Variants in MTFR1 observed in about 807,000 individuals in gnomAD.
The protein encoded by MTFR1 is chondrocyte protein with a poly-proline region.
A neutral mutation model predicts 38.8 loss-of-function variants in MTFR1; 28 were observed. The ratio of observed to expected loss-of-function variants is 0.72; its 90% CI spans 0.53 to 0.99. The LOEUF (loss-of-function observed/expected upper bound fraction) is 0.99. Ranked by LOEUF, MTFR1 falls within the 50% of genes least tolerant of loss-of-function variation. The probability of loss-of-function intolerance (pLI) is 0.00; values close to 1 mark genes in which losing one functional copy is unlikely to be tolerated. For missense variants in MTFR1, 358 were observed against 395.5 expected, an observed-to-expected ratio of 0.91 and a Z score of 0.81; for synonymous variants, 145 against 137.0, an observed-to-expected ratio of 1.06 and a Z score of -0.41.
rs1050457394 is a variant in MTFR1 at position 65,657,318 on chromosome 8, A to G, written c.-81+12534A>G. On this transcript the variant is annotated intron_variant, in intron 1 of 7. Coordinates refer to ENST00000262146, the MANE Select transcript of MTFR1 (RefSeq NM_014637.4). ...ATAAGCAACTGCGCCCAGTCTATTTATTTGTTTTAAACAAGATTTTATTTT... is the reference window on the plus strand; with the variant it reads ...ATAAGCAACTGCGCCCAGTCTATTTGTTTGTTTTAAACAAGATTTTATTTT... Among the ~76,000 whole-genome samples, 16 of 152,096 alleles carry G rather than the reference A, an allele frequency of 1.1e-4. 1 individual carries two copies. The highest frequency in any genetic ancestry group is 9.8e-4 in the Admixed American group (15 of 15,254).
intron 1 of MTFR1, among the ~76,000 whole-genome samples, chr8:65,662,841 T>C (rs1327063333): frequency 2.7e-5 from 4 of 146,808 alleles, no homozygotes; most frequent in Non-Finnish European, 6.0e-5. Context: ...GCCATCCACC[T>C]CGTCCGGAAG....
Position 65,729,008 on chromosome 8 carries a change from A to G in MTFR1, c.*48+9527A>G, listed in dbSNP as rs1001887199. Among the ~76,000 whole-genome samples the G allele has an allele frequency of 4.6e-5, 7 of 152,202 alleles. 1 individual carries two copies. The highest frequency in any genetic ancestry group is 3.9e-4 in the Admixed American group (6 of 15,280). On this transcript the variant is annotated intron_variant, in intron 3 of 3. Transcript: ENST00000521247. ...AAATGTAACATTTCTGCTTGTAAAA[A>G]AAAACCTTTCATCAGAAACAAAATT... is the stretch of plus-strand genomic sequence containing the variant.
chr8:65,696,977 G>A (rs1252268632), intron 4 of MTFR1, among the ~76,000 whole-genome samples: 1 of 127,164 alleles, frequency 7.9e-6, no homozygotes, highest in African/African-American at 3.0e-5. Flanking sequence ...TAACCTTTTG[G>A]GACTGGCTTT....
At chr8:65,740,457 A>G (rs1009923230) in intron 3 of MTFR1, among the ~76,000 whole-genome samples, 6 of 151,924 alleles carry the variant, frequency 3.9e-5, no homozygotes, top group Admixed American at 3.3e-4. Context: ...CTGGAGTACA[A>G]TGGTGCGATC....
intron 3 of MTFR1, among the ~76,000 whole-genome samples, chr8:65,683,854 A>G (rs985532727): frequency 1.3e-5 from 2 of 152,124 alleles, no homozygotes; most frequent in African/African-American, 4.8e-5. Context: ...AATCAAAATG[A>G]AGAAATCTGT....
rs747368661 is a variant in MTFR1, at chr8:65,669,993, A to T, written c.41A>T (p.Gln14Leu). 8.1e-6 allele frequency: 13 copies of T among 1,605,908 alleles called. No individual in the cohort carries two copies. The highest frequency in any genetic ancestry group is 1.1e-5 in the Non-Finnish European group (13 of 1,178,566). ...AAGCGCCTAATTAGGATGGTTTTTC[A>T]ACAAGTTGGAGTAAGCATGCAATCG... ...WIKRLIRMVF[Q>L]QVGVSMQSVL... The change falls in exon 2 of 8, where the codon CAA (glutamine) becomes CTA (leucine). Residue 14 changes from glutamine to leucine, a missense_variant. Transcript: ENST00000262146.
rs927057595 is a variant in MTFR1, at chr8:65,660,116, C to A, written c.-80-9757C>A. ...ACCAGCCTGACCAACATGGCCAAAC[C>A]CTGTCTCTACTAAAAATACAAAAAA... On this transcript the variant is annotated intron_variant, in intron 1 of 7. Coordinates refer to ENST00000262146, the MANE Select transcript of MTFR1 (RefSeq NM_014637.4). Among the ~76,000 whole-genome samples the A allele has an allele frequency of 7.2e-5, 11 of 151,900 alleles. No individual in the cohort carries two copies. In the East Asian group the frequency reaches 1.9e-3, roughly 27 times the overall value.
intron 2 of MTFR1, among the ~76,000 whole-genome samples, chr8:65,676,210 G>A (rs891233982): frequency 6.6e-6 from 1 of 152,096 alleles, no homozygotes; most frequent in Non-Finnish European, 1.5e-5. Context: ...TTTACATTTT[G>A]TTGGGTCCTA....
At chr8:65,722,844 G>A (rs1247382823) in intron 3 of MTFR1, 1 of 152,238 alleles carries the variant, frequency 6.6e-6, no homozygotes, top group East Asian at 1.9e-4. Context: ...GACTGACTCT[G>A]CCTAAAGCAA....
chr8:65,678,517 T>C (rs1192898527), intron 2 of MTFR1, among the ~76,000 whole-genome samples: 2 of 152,224 alleles, frequency 1.3e-5, no homozygotes, highest in African/African-American at 4.8e-5. Context: ...CTGTGTATGC[T>C]TGAAAAAATA....
At chr8:65,699,941 T>C (rs1267264502) in intron 4 of MTFR1, among the ~76,000 whole-genome samples, 1 of 152,224 alleles carries the variant, frequency 6.6e-6, no homozygotes, top group African/African-American at 2.4e-5. Flanking sequence ...AACAATTATT[T>C]ATAATGTCAT....
intron 1 of MTFR1, among the ~76,000 whole-genome samples, chr8:65,654,398 A>G (rs1469210699): frequency 9.2e-5 from 14 of 152,152 alleles, no homozygotes; most frequent in Non-Finnish European, 1.5e-5. Context: ...TAGAATGGGC[A>G]TATTTAATTT....
At chr8:65,685,358 TCATA>T (rs1274499230) in intron 3 of MTFR1, among the ~76,000 whole-genome samples, 2 of 152,218 alleles carry the variant, frequency 1.3e-5, no homozygotes, top group African/African-American at 4.8e-5. Flanking sequence ...AACAGGACAG[TCATA>T]CAGTCAATTC....
intron 3 of MTFR1, among the ~76,000 whole-genome samples, chr8:65,729,574 C>T (rs1404593899): frequency 5.9e-5 from 9 of 151,908 alleles, no homozygotes; most frequent in Non-Finnish European, 1.2e-4. Context: ...AAAACAGATT[C>T]TATTTTTTTG....
In MTFR1 at chr8:65,707,948, C is replaced by G. The variant is rs1412638909; in HGVS notation, c.870C>G (p.Ser290Arg). 9 of 1,613,754 alleles carry G rather than the reference C, an allele frequency of 5.6e-6. No homozygotes were observed. Among genetic ancestry groups the G allele is most frequent in the African/African-American group, 1.3e-5 (1 of 74,888 alleles). Residue 290 changes from serine (S) to arginine (R), a missense_variant, in exon 7 of 8, where the codon AGC becomes AGG. Physicochemically the swap from Ser to Arg is moderately radical, Grantham distance 110 (BLOSUM62 -1). Transcript: ENST00000262146. The part of the protein sequence containing the change: ...KKFAYRYRSD[S>R]QDEVEKGIPK... ...TTGCTTATCGGTATCGAAGTGATAG[C>G]CAAGATGAAGTTGAAAAAGGAATTC...
intron 4 of MTFR1, among the ~76,000 whole-genome samples, chr8:65,696,951 G>A (rs1035777674): frequency 3.5e-5 from 5 of 144,368 alleles, no homozygotes; most frequent in South Asian, 2.2e-4. Context: ...GTGAGCCACC[G>A]TGCCTGGCCA....
intron 1 of MTFR1, among the ~76,000 whole-genome samples, chr8:65,655,722 G>A (rs559891992): frequency 6.6e-6 from 1 of 151,462 alleles, no homozygotes; most frequent in Non-Finnish European, 1.5e-5. Flanking sequence ...GGCTGAGGTA[G>A]GTAGATAACC....
At chr8:65,682,486 A>G in intron 3 of MTFR1, 35 bp downstream of exon 3, 1 of 1,109,802 alleles carries the variant, frequency 9.0e-7, no homozygotes, top group Non-Finnish European at 1.2e-6. Context: ...TATTTTATTA[A>G]TATGTACATT....
chr8:65,688,026 G>A (rs1005089147), intron 3 of MTFR1, among the ~76,000 whole-genome samples: 2 of 151,068 alleles, frequency 1.3e-5, no homozygotes, highest in African/African-American at 4.9e-5. Flanking sequence ...CTTGAACCTG[G>A]GAGACAGAGG....
Sources: allele counts gnomAD v4.1 joint callset (sites outside exome capture counted in the v4.1 genomes callset), GRCh38; gene constraint gnomAD v4.1.1; transcripts MANE v1.5; gene names NCBI Gene and HGNC (gene_info 2026-07-23, HGNC 2026-07-21).